UTP20: variants seen among roughly 807,000 people sequenced by gnomAD.
UTP20 encodes UTP20 small subunit processome component.
UTP20 carries 164 observed loss-of-function variants against 329.5 expected under a neutral mutation model. The observed-to-expected ratio is 0.50, with a 90% CI of 0.44 to 0.57. The LOEUF (loss-of-function observed/expected upper bound fraction) is 0.57, where lower values mean the gene tolerates loss of function less well. UTP20 is among the 20% of genes least tolerant of loss of function. UTP20 has a pLI of 0.00. For synonymous variants in UTP20, 1,151 were observed against 1,159.3 expected, an observed-to-expected ratio of 0.99 and a Z score of 0.14; for missense variants, 3,055 against 3,284.2, an observed-to-expected ratio of 0.93 and a Z score of 1.71.
At chr12:101,356,020 G>T (rs1371744748) in intron 41 of UTP20, among the ~76,000 whole-genome samples, 3 of 152,018 alleles carry the variant, frequency 2.0e-5, no homozygotes, top group Non-Finnish European at 4.4e-5. Context: ...TCTTACACCT[G>T]TTATTTTTAT....
At chr12:101,309,867 T>A in intron 19 of UTP20, 28 bp downstream of exon 19, 3 of 1,592,662 alleles carry the variant, frequency 1.9e-6, no homozygotes, top group Non-Finnish European at 2.6e-6. Context: ...GGGATGAAAC[T>A]ATTATACTTT....
intron 23 of UTP20, among the ~76,000 whole-genome samples, chr12:101,320,264 G>A (rs913023210): frequency 2.0e-5 from 3 of 151,944 alleles, no homozygotes; most frequent in African/African-American, 4.8e-5. Flanking sequence ...ATAGAGAATC[G>A]GCCTCACCAG....
Position 101,286,500 on chromosome 12 carries a change from G to T in UTP20, c.506G>T (p.Ser169Ile), listed in dbSNP as rs200657881. ...AGACTGATGGTGAAGGACATGTCCA[G>T]TATATACAGGTAACCCCTTTCTCTC... ...LWRLMVKDMS[S>I]IYSMYSTLLA... Residue 169 changes from serine (S) to isoleucine (I), a missense_variant, in exon 5 of 62, where the codon AGT becomes ATT. Transcript: ENST00000261637. 1.3e-6 allele frequency: 2 copies of T among 1,583,014 alleles called. No homozygotes were observed. Among genetic ancestry groups the T allele is most frequent in the Non-Finnish European group, 1.7e-6 (2 of 1,165,268 alleles).
intron 1 of UTP20, 93 bp downstream of exon 1, chr12:101,280,420 T>C (rs774234426): frequency 1.4e-6 from 2 of 1,460,300 alleles, no homozygotes; most frequent in South Asian, 1.2e-5. Context: ...CTCAGACTTC[T>C]GGGCCGAGTG....
intron 8 of UTP20, chr12:101,291,541 A>G (rs112620142): frequency 0.024 from 2,344 of 97,970 alleles, 44 homozygotes; most frequent in African/African-American, 0.095. Flanking sequence ...ACTCCATCTC[A>G]AAAAAAAAAA....
intron 17 of UTP20, among the ~76,000 whole-genome samples, chr12:101,307,640 G>A (rs1872676453): frequency 6.6e-6 from 1 of 152,170 alleles, no homozygotes; most frequent in South Asian, 2.1e-4. Flanking sequence ...TCCTCCCAAA[G>A]TGCTGGGATT....
chr12:101,376,910 A>G (rs370577119), intron 56 of UTP20, among the ~76,000 whole-genome samples: 86 of 152,006 alleles, frequency 5.7e-4, no homozygotes, highest in African/African-American at 2.0e-3. Flanking sequence ...GACCTCCCAA[A>G]GTGCTGGGAT....
chr12:101,354,028 A>T (rs1363490678), intron 40 of UTP20, among the ~76,000 whole-genome samples: 1 of 152,130 alleles, frequency 6.6e-6, no homozygotes, highest in Non-Finnish European at 1.5e-5. Context: ...TGGGAGGCCT[A>T]CGCAGGTGGA....
chr12:101,353,625 T>C (rs11110765), intron 40 of UTP20, among the ~76,000 whole-genome samples: 31,317 of 151,986 alleles, frequency 0.21, 7,069 homozygotes, highest in East Asian at 0.55. Context: ...CAGTGGAGCC[T>C]AGGAGCTGGC....
chr12:101,284,507 A>G (rs79377699), intron 2 of UTP20, among the ~76,000 whole-genome samples: 3,491 of 152,202 alleles, frequency 0.023, 68 homozygotes, highest in African/African-American at 0.053. Context: ...GACACCTGGG[A>G]CAATTCAATG....
rs758653363 is a variant in UTP20 at position 101,291,888 on chromosome 12, G to A, written c.1038G>A (p.Lys346=). 6.2e-7 allele frequency: 1 copy of A among 1,610,884 alleles called. No individual in the cohort carries two copies. Among genetic ancestry groups the A allele is most frequent in the Admixed American group, 1.7e-5 (1 of 59,368 alleles). ...TKIPTPADVC[K]VLSQTLQVAS... ...TACCCACGCCTGCTGATGTCTGTAAGGTGAGTTCCCAACTTAATATGCTCG... is the reference window on the plus strand; with the variant it reads ...TACCCACGCCTGCTGATGTCTGTAAAGTGAGTTCCCAACTTAATATGCTCG... The change falls in exon 9 of 62, where the codon AAG becomes AAA. Residue 346 remains lysine, a splice_region_variant and synonymous_variant. Transcript: ENST00000261637.
Position 101,305,943 on chromosome 12 carries a change from C to A in UTP20, c.1810C>A (p.Leu604Met). The change falls in exon 16 of 62, where the codon CTG (leucine) becomes ATG (methionine). Residue 604 changes from leucine to methionine, a missense_variant. Transcript: ENST00000261637. ...CTTTCCCCTGGAGCCATCTGTGTTG[C>A]TGTTGACTGATCTCTATTATCAGAG... ...LTFPLEPSVL[L>M]LTDLYYQRLA... is the part of the protein sequence containing the mutation. The A allele has an allele frequency of 6.2e-7, 1 of 1,611,718 alleles. No individual in the cohort carries two copies. Among genetic ancestry groups the A allele is most frequent in the South Asian group, 1.1e-5 (1 of 90,728 alleles).
Position 101,338,935 on chromosome 12 carries a change from A to G in UTP20, c.3991A>G (p.Lys1331Glu), listed in dbSNP as rs746211908. 2 of 1,601,858 alleles carry G rather than the reference A, an allele frequency of 1.2e-6. No homozygotes were observed. The highest frequency in any genetic ancestry group is 2.3e-5 in the East Asian group (1 of 43,640). ...KKKKNRAQVS[K>E]ELGILSKISK... ...GAAAAAGAATAGAGCACAAGTCAGT[A>G]AAGAGCTTGGCATTCTTTCAAAGTA... The change falls in exon 31 of 62, where the codon AAA (lysine) becomes GAA (glutamate). Residue 1331 changes from lysine to glutamate, a missense_variant. Around this residue, in one of 3 missense-constraint regions of UTP20, gnomAD observed 2,445 missense variants for 2,575.5 expected, o/e 0.95. Transcript: ENST00000261637.
At chr12:101,285,456 T>C in intron 2 of UTP20, 114 bp from the exon 3 acceptor site, 1 of 1,168,392 alleles carries the variant, frequency 8.6e-7, no homozygotes, top group African/African-American at 1.6e-5. Flanking sequence ...CTAAAAGGAG[T>C]TCTTAAACTC....
chr12:101,309,119 G>T (rs1000665876), intron 18 of UTP20, among the ~76,000 whole-genome samples: 9 of 152,114 alleles, frequency 5.9e-5, no homozygotes, highest in African/African-American at 2.2e-4. Context: ...GCCAAAAGGA[G>T]GCATTCTCCC....
Position 101,291,902 on chromosome 12 carries a change from T to G in UTP20, c.1038+14T>G. 6.2e-7 allele frequency: 1 copy of G among 1,608,786 alleles called. No individual in the cohort carries two copies. The highest frequency in any genetic ancestry group is 1.1e-5 in the South Asian group (1 of 89,614). On this transcript the variant is annotated intron_variant, in intron 9 of 61. Transcript: ENST00000261637. ...GATGTCTGTAAGGTGAGTTCCCAAC[T>G]TAATATGCTCGAGAGTCTGGTTTTT...
At chr12:101,293,137 C>T (rs373345573) in intron 10 of UTP20, 31 bp from the exon 11 acceptor site, 28 of 1,598,976 alleles carry the variant, frequency 1.8e-5, no homozygotes, top group Non-Finnish European at 2.2e-5. Context: ...TCTCTGTGTA[C>T]TTACATTAAT....
chr12:101,327,174 G>A lies in UTP20; in HGVS notation c.3135G>A (p.Leu1045=). The part of the protein sequence containing the change: ...GTRMAIVLRF[L]AGTQPEEIQI... ...GCATGGCCATTGTCCTGCGGTTCCTGGCCGGGACCCAACCTGAGGAGATCC... is the reference window on the plus strand; with the variant it reads ...GCATGGCCATTGTCCTGCGGTTCCTAGCCGGGACCCAACCTGAGGAGATCC... The change falls in exon 26 of 62, where the codon CTG becomes CTA. Residue 1045 remains leucine (L), a synonymous_variant. Transcript: ENST00000261637. The A allele has an allele frequency of 3.1e-6, 5 of 1,613,112 alleles. No homozygotes were observed. Among genetic ancestry groups the A allele is most frequent in the East Asian group, 2.2e-5 (1 of 44,842 alleles).
chr12:101,303,210 C>G (rs1872567741), intron 15 of UTP20, among the ~76,000 whole-genome samples: 1 of 152,170 alleles, frequency 6.6e-6, no homozygotes, highest in Non-Finnish European at 1.5e-5. Flanking sequence ...ACATGCCAAG[C>G]CCTGTTCCAG....
Sources: allele counts gnomAD v4.1 joint callset (sites outside exome capture counted in the v4.1 genomes callset), GRCh38; gene constraint gnomAD v4.1.1; regional missense constraint gnomAD v4.1.1; transcripts MANE v1.5; gene names NCBI Gene and HGNC (gene_info 2026-07-23, HGNC 2026-07-21).